The following SPOCK1 variants were observed in gnomAD, a reference collection of about 807,000 sequenced individuals.
SPOCK1 encodes SPARC (osteonectin), cwcv and kazal like domains proteoglycan 1.
SPOCK1 carries 23 observed loss-of-function variants against 55.3 expected under a neutral mutation model. The observed-to-expected ratio is 0.42, with a 90% CI of 0.30 to 0.59. The LOEUF (loss-of-function observed/expected upper bound fraction) is 0.59, where lower values mean the gene tolerates loss of function less well. Among genes scored for constraint, SPOCK1 ranks in the 20% least tolerant of loss-of-function variants. SPOCK1 has a pLI of 0.22. For missense variants in SPOCK1, 499 were observed against 552.5 expected (o/e 0.90, Z 0.97); for synonymous variants, 226 against 221.0 (o/e 1.02, Z -0.20).
intron 3 of SPOCK1, among the ~76,000 whole-genome samples, chr5:137,192,241 A>G (rs1240117708): frequency 6.6e-6 from 1 of 151,038 alleles, no homozygotes; most frequent in African/African-American, 2.4e-5. Context: ...TCAAAAAAAA[A>G]AAAAAAAAAA....
At chr5:137,122,890 T>C (rs1165189736) in intron 4 of SPOCK1, among the ~76,000 whole-genome samples, 1 of 152,200 alleles carries the variant, frequency 6.6e-6, no homozygotes, top group African/African-American at 2.4e-5. Context: ...AGAAAACACC[T>C]GTAATTGTTT....
chr5:137,335,492 T>C (rs1017414495), intron 2 of SPOCK1, among the ~76,000 whole-genome samples: 1 of 152,246 alleles, frequency 6.6e-6, no homozygotes, highest in Non-Finnish European at 1.5e-5. Flanking sequence ...TCATCAAAAA[T>C]TGATGCTGTA....
At chr5:137,219,995 A>G (rs1755814187) in intron 3 of SPOCK1, among the ~76,000 whole-genome samples, 1 of 152,170 alleles carries the variant, frequency 6.6e-6, no homozygotes, top group Non-Finnish European at 1.5e-5. Context: ...CAACCCATCC[A>G]GTACTCCATC....
Position 137,067,766 on chromosome 5 carries a change from A to G in SPOCK1, c.538T>C (p.Cys180Arg). ...GGCTCAGGCTCTGGGAGACAGGGAC[A>G]GGGCCCATCACAGAGGGTGGCGAGG... ...KSLATLCDGP[C>R]PCLPEPEPPK... Residue 180 changes from cysteine to arginine, a missense_variant, in exon 6 of 11, where the codon TGT (cysteine) becomes CGT (arginine). Cys to Arg is a radical substitution (Grantham distance 180). Transcript: ENST00000394945. The G allele has an allele frequency of 1.2e-6, 2 of 1,614,066 alleles. No individual in the cohort carries two copies. Among genetic ancestry groups the G allele is most frequent in the Non-Finnish European group, 8.5e-7 (1 of 1,179,980 alleles).
At chr5:137,008,568 C>G (rs1751295030) in intron 6 of SPOCK1, among the ~76,000 whole-genome samples, 1 of 152,138 alleles carries the variant, frequency 6.6e-6, no homozygotes, top group African/African-American at 2.4e-5. Context: ...CTCATGAGCC[C>G]TTCCAAAGGA....
intron 2 of SPOCK1, among the ~76,000 whole-genome samples, chr5:137,465,184 C>T (rs1753595070): frequency 6.6e-6 from 1 of 152,086 alleles, no homozygotes; most frequent in African/African-American, 2.4e-5. Flanking sequence ...TATAAGATCG[C>T]CAAATAAGTG....
chr5:137,226,634 T>A lies in SPOCK1; in HGVS notation c.232+40376A>T, dbSNP rs143693276. Among the ~76,000 whole-genome samples, 1,052 of 152,268 alleles carry A rather than the reference T, an allele frequency of 6.9e-3. 8 individuals carry two copies. Among genetic ancestry groups the A allele is most frequent in the Middle Eastern group, 0.034 (10 of 294 alleles). ...TTCATTTTCACAGCTTCCAGTCTCC[T>A]CTGGTCTCACTCTCTACACCCTAGG... On this transcript the variant is annotated intron_variant, in intron 3 of 10. Coordinates refer to ENST00000394945, the MANE Select transcript of SPOCK1 (RefSeq NM_004598.4).
At chr5:137,347,752 C>CA (rs1259540758) in intron 2 of SPOCK1, among the ~76,000 whole-genome samples, 165 of 151,090 alleles carry the variant, frequency 1.1e-3, no homozygotes, top group African/African-American at 3.5e-3. Flanking sequence ...AACAAACAAA[C>CA]AAAAAAAAAC....
chr5:137,214,894 C>A (rs11743006), intron 3 of SPOCK1, among the ~76,000 whole-genome samples: 16,887 of 152,124 alleles, frequency 0.11, 1,178 homozygotes, highest in East Asian at 0.22. Flanking sequence ...CAAGTCCTAC[C>A]CCCAATTTTT....
rs1021421115 is a variant in SPOCK1 at position 137,133,568 on chromosome 5, G to A, written c.347+7012C>T. On this transcript the variant is annotated intron_variant, in intron 4 of 10. Coordinates refer to ENST00000394945, the MANE Select transcript of SPOCK1 (RefSeq NM_004598.4). ...CAAGGTCATCTAATCAATAGTCTTC[G>A]TTTCAGAGAGAAAAACAAAGGAACA... is the stretch of plus-strand genomic sequence containing the variant. Among the ~76,000 whole-genome samples, 33 of 152,022 alleles carry A rather than the reference G, an allele frequency of 2.2e-4. 1 individual carries two copies. Among genetic ancestry groups the A allele is most frequent in the South Asian group, 2.1e-4 (1 of 4,812 alleles).
At chr5:137,194,490 G>A (rs1410461481) in intron 3 of SPOCK1, among the ~76,000 whole-genome samples, 2 of 152,096 alleles carry the variant, frequency 1.3e-5, no homozygotes, top group Non-Finnish European at 1.5e-5. Context: ...AGTGCCAAGA[G>A]CTGAGGGTGG....
intron 2 of SPOCK1, among the ~76,000 whole-genome samples, chr5:137,361,952 A>T (rs566321514): frequency 6.6e-6 from 1 of 152,284 alleles, no homozygotes; most frequent in South Asian, 2.1e-4. Flanking sequence ...TTTTACAGCG[A>T]GCTTCCCCCT....
chr5:137,335,928 T>C (rs1258773918), intron 2 of SPOCK1, among the ~76,000 whole-genome samples: 1 of 152,198 alleles, frequency 6.6e-6, no homozygotes, highest in Non-Finnish European at 1.5e-5. Flanking sequence ...TGCTTCTTTT[T>C]TTCCCCTGTG....
At chr5:137,309,663 A>G (rs1757756470) in intron 2 of SPOCK1, among the ~76,000 whole-genome samples, 1 of 152,194 alleles carries the variant, frequency 6.6e-6, no homozygotes. Context: ...CTCAAAAATG[A>G]GCCCAAATCC....
intron 2 of SPOCK1, among the ~76,000 whole-genome samples, chr5:137,462,960 A>G (rs1304030296): frequency 6.6e-6 from 1 of 152,196 alleles, no homozygotes; most frequent in Non-Finnish European, 1.5e-5. Flanking sequence ...CAGGGAGTGG[A>G]AAAGGATGAG....
At chr5:137,109,366 C>A (rs1009144949) in intron 5 of SPOCK1, among the ~76,000 whole-genome samples, 2 of 152,186 alleles carry the variant, frequency 1.3e-5, no homozygotes, top group Non-Finnish European at 2.9e-5. Context: ...AAGCTCTCTG[C>A]ACCCCATTGA....
chr5:137,340,459 A>T (rs1217858158), intron 2 of SPOCK1, among the ~76,000 whole-genome samples: 1 of 152,196 alleles, frequency 6.6e-6, no homozygotes, highest in Non-Finnish European at 1.5e-5. Flanking sequence ...CTAAAACAAG[A>T]CATTTTACCT....
Position 136,985,197 on chromosome 5 carries a change from G to A in SPOCK1, c.934C>T (p.Pro312Ser), listed in dbSNP as rs1750814849. Residue 312 changes from proline to serine, a missense_variant, in exon 9 of 11, where the codon CCT (proline) becomes TCT (serine). By Grantham distance (74) the Pro-to-Ser change is moderately conservative. This residue lies in a region of SPOCK1 where 386 missense variants were observed against 400.6 expected (regional missense o/e 0.96). Coordinates refer to ENST00000394945, the MANE Select transcript of SPOCK1 (RefSeq NM_004598.4). ...CYCFQKPGGL[P>S]CQNEMNRIQK... ...ATTCTGTTCATTTCATTCTGGCAAG[G>A]GAGACCTAAAAAATAATTTCTGAAA... 1 of 1,614,060 alleles carries A rather than the reference G, an allele frequency of 6.2e-7. No individual in the cohort carries two copies. Among genetic ancestry groups the A allele is most frequent in the Middle Eastern group, 1.7e-4 (1 of 6,060 alleles).
intron 2 of SPOCK1, among the ~76,000 whole-genome samples, chr5:137,356,797 T>TAA (rs1750811730): frequency 4.1e-5 from 1 of 24,400 alleles, no homozygotes; most frequent in East Asian, 1.3e-3. Flanking sequence ...TCAAAAAAAA[T>TAA]AATATATATA....
Sources: allele counts gnomAD v4.1 joint callset (sites outside exome capture counted in the v4.1 genomes callset), GRCh38; gene constraint gnomAD v4.1.1; regional missense constraint gnomAD v4.1.1; transcripts MANE v1.5; gene names NCBI Gene and HGNC (gene_info 2026-07-23, HGNC 2026-07-21).